PDE1C: variants seen among roughly 807,000 people sequenced by gnomAD.
The protein encoded by PDE1C is dual specificity calcium/calmodulin-dependent 3',5'-cyclic nucleotide phosphodiesterase 1C.
A neutral mutation model predicts 93.1 loss-of-function variants in PDE1C; 62 were observed. That is an observed-to-expected ratio of 0.67 (90% confidence interval 0.54 to 0.82). The LOEUF (loss-of-function observed/expected upper bound fraction) is 0.82, where lower values mean the gene tolerates loss of function less well. PDE1C is among the 40% of genes least tolerant of loss of function. The pLI is 0.00. For synonymous variants in PDE1C, 325 were observed against 310.1 expected (o/e 1.05, Z -0.50); for missense variants, 742 against 884.6 (o/e 0.84, Z 2.04).
intron 1 of PDE1C, among the ~76,000 whole-genome samples, chr7:32,228,732 A>G (rs1225123716): frequency 3.3e-5 from 5 of 152,202 alleles, no homozygotes; most frequent in African/African-American, 1.2e-4. Context: ...GCAAGGTGAC[A>G]TAACAGCCTG....
At chr7:32,084,094 A>G (rs1796895082) in intron 3 of PDE1C, among the ~76,000 whole-genome samples, 1 of 152,168 alleles carries the variant, frequency 6.6e-6, no homozygotes. Flanking sequence ...AGTGTGCTGT[A>G]TTCAGGAAAC....
chr7:32,403,726 G>A (rs1158503719), intron 1 of PDE1C, among the ~76,000 whole-genome samples: 1 of 152,058 alleles, frequency 6.6e-6, no homozygotes, highest in Non-Finnish European at 1.5e-5. Flanking sequence ...CCACGCTTTG[G>A]CACGGAGCTC....
chr7:32,144,604 T>C (rs140772784), intron 3 of PDE1C, among the ~76,000 whole-genome samples: 1 of 152,200 alleles, frequency 6.6e-6, no homozygotes, highest in Non-Finnish European at 1.5e-5. Flanking sequence ...GCTGTCACCA[T>C]GGAAAGGAAA....
intron 5 of PDE1C, among the ~76,000 whole-genome samples, chr7:31,876,144 C>T (rs144149250): frequency 5.1e-4 from 77 of 152,104 alleles, no homozygotes; most frequent in African/African-American, 1.7e-3. Flanking sequence ...CAACTCATTG[C>T]AAACAAAATC....
chr7:32,104,310 A>G (rs984840688), intron 3 of PDE1C, among the ~76,000 whole-genome samples: 1 of 152,220 alleles, frequency 6.6e-6, no homozygotes, highest in African/African-American at 2.4e-5. Context: ...TGGCATAAGA[A>G]GAACTAGAAT....
At chr7:32,298,957 C>G (rs1812802578) in exon 1 of PDE1C, 1 of 1,306,914 alleles carries the variant, frequency 7.7e-7, no homozygotes, top group Non-Finnish European at 9.7e-7. Flanking sequence ...AGGCAGGAGC[C>G]GTCGCGACTG....
chr7:32,382,974 G>A (rs1784561272), intron 1 of PDE1C, among the ~76,000 whole-genome samples: 1 of 152,268 alleles, frequency 6.6e-6, no homozygotes, highest in South Asian at 2.1e-4. Flanking sequence ...CCAATTGAGC[G>A]TTACATTCAA....
At chr7:31,964,132 C>T (rs543304255) in intron 2 of PDE1C, among the ~76,000 whole-genome samples, 42 of 152,298 alleles carry the variant, frequency 2.8e-4, no homozygotes, top group South Asian at 1.7e-3. Context: ...TGCAGCGCAC[C>T]GTGCGTGAGC....
At chr7:31,695,829 A>G in the PDE1C span, 2 of 394,990 alleles carry the variant, frequency 5.1e-6, no homozygotes, top group Non-Finnish European at 8.6e-6. Flanking sequence ...ATAAAAGTTT[A>G]TTTTTTTTAC....
At chr7:32,150,553 C>T (rs543613692) in intron 3 of PDE1C, among the ~76,000 whole-genome samples, 1 of 152,304 alleles carries the variant, frequency 6.6e-6, no homozygotes, top group East Asian at 1.9e-4. Context: ...TTAAAACTCA[C>T]CTGAGAGATT....
intron 1 of PDE1C, among the ~76,000 whole-genome samples, chr7:32,383,847 T>C (rs768677443): frequency 2.0e-5 from 3 of 152,210 alleles, no homozygotes; most frequent in Non-Finnish European, 2.9e-5. Flanking sequence ...CTCCAACTCT[T>C]ACAATCAGTG....
At chr7:31,946,052 T>C (rs879644706) in intron 2 of PDE1C, among the ~76,000 whole-genome samples, 1 of 152,216 alleles carries the variant, frequency 6.6e-6, no homozygotes, top group Admixed American at 6.5e-5. Flanking sequence ...TCTGCTTACA[T>C]TGCCCATCTA....
At chr7:32,409,568 C>T (rs575475356) in intron 1 of PDE1C, among the ~76,000 whole-genome samples, 11 of 151,796 alleles carry the variant, frequency 7.2e-5, no homozygotes, top group Admixed American at 6.6e-4. Context: ...AAATCATATC[C>T]AAGTAAAGTT....
exon 1 of PDE1C, chr7:32,298,914 A>C: frequency 2.2e-6 from 3 of 1,353,436 alleles, no homozygotes; most frequent in Non-Finnish European, 1.9e-6. Context: ...CGGGGACCCA[A>C]TGTCAACAGC....
chr7:32,264,479 A>G (rs1351878941), intron 1 of PDE1C, among the ~76,000 whole-genome samples: 2 of 152,184 alleles, frequency 1.3e-5, no homozygotes, highest in Non-Finnish European at 2.9e-5. Flanking sequence ...TCTGACTTAA[A>G]AACCAATGCC....
the PDE1C span, among the ~76,000 whole-genome samples, chr7:31,642,459 G>T: frequency 6.6e-6 from 1 of 152,184 alleles, no homozygotes; most frequent in African/African-American, 2.4e-5. Context: ...ATTAGACAAG[G>T]TGCCGGAAAG....
intron 1 of PDE1C, among the ~76,000 whole-genome samples, chr7:32,422,231 A>ACGTTGC (rs1785446070): frequency 6.6e-6 from 1 of 152,258 alleles, no homozygotes; most frequent in Non-Finnish European, 1.5e-5. Context: ...CAGGTGCTAC[A>ACGTTGC]AATGTTGAAG....
intron 16 of PDE1C, among the ~76,000 whole-genome samples, chr7:31,777,716 T>C (rs2128633189): frequency 6.6e-6 from 1 of 152,330 alleles, no homozygotes; most frequent in East Asian, 1.9e-4. Flanking sequence ...TTAATCATTA[T>C]TATTCTTTCC....
In PDE1C at chr7:32,330,508, C is replaced by T. The variant is rs114257277; in HGVS notation, c.310+97314G>A. 4.3e-3 allele frequency among the ~76,000 whole-genome samples: 661 copies of T among 152,292 alleles called. 7 individuals are homozygous for T. Among genetic ancestry groups the T allele is most frequent in the African/African-American group, 0.014 (589 of 41,560 alleles). Reference sequence around the variant, plus strand: ...CAGAGTTATATTACTACTTAATGGACGAGCTAAACCCTGAGGACATGGCCT... The same window carrying T: ...CAGAGTTATATTACTACTTAATGGATGAGCTAAACCCTGAGGACATGGCCT... On this transcript the variant is annotated intron_variant, in intron 1 of 1. Coordinates refer to the PDE1C transcript ENST00000672256.
Sources: gnomAD v4.1 joint callset for allele counts (sites outside exome capture counted in the v4.1 genomes callset) on GRCh38, gnomAD v4.1.1 for gene constraint, MANE v1.5 for transcripts, NCBI Gene and HGNC (gene_info 2026-07-23, HGNC 2026-07-21) for gene names.